The following SMARCA5 variants were observed in gnomAD, a reference collection of about 807,000 sequenced individuals.
The protein encoded by SMARCA5 is SNF2 related chromatin remodeling ATPase 5, also known as SWI/SNF-related matrix-associated actin-dependent regulator of chromatin subfamily A member 5.
Under a neutral mutation model 140.4 loss-of-function variants are expected in SMARCA5, and 18 were observed. That is an observed-to-expected ratio of 0.13 (90% CI 0.09 to 0.19). The LOEUF is 0.19. Among genes scored for constraint, SMARCA5 ranks in the 10% least tolerant of loss-of-function variants. The probability of loss-of-function intolerance (pLI) is 1.00; values close to 1 mark genes in which losing one functional copy is unlikely to be tolerated. For synonymous variants in SMARCA5, 449 were observed against 419.6 expected, an observed-to-expected ratio of 1.07 and a Z score of -0.86; for missense variants, 606 against 1,276.8, an observed-to-expected ratio of 0.47 and a Z score of 8.01.
chr4:143,524,615 G>A, intron 4 of SMARCA5, 148 bp downstream of exon 4: 1 of 591,336 alleles, frequency 1.7e-6, no homozygotes. Context: ...TTCAGATTTT[G>A]ATGGAGATGA....
At position 143,513,838 on chromosome 4, in the gene SMARCA5, G is replaced by A; in HGVS notation, c.-87G>A. ...AGTCTCGCTCCTCCACCAGTTTATT[G>A]CGACGTAGCATCCAGGCCTAGGCCT... On this transcript the variant is annotated 5_prime_UTR_variant, in exon 1 of 24. Transcript: ENST00000283131. 1.4e-6 allele frequency: 2 copies of A among 1,423,326 alleles called. No homozygotes were observed. Among genetic ancestry groups the A allele is most frequent in the East Asian group, 5.1e-5 (2 of 39,156 alleles). 88.2% of individuals were successfully genotyped at this position (1,423,326 alleles called of 1,614,324 possible). A position where few individuals can be genotyped will look rare whatever the true frequency, so the allele number is the denominator to read the frequency against.
chr4:143,515,978 A>G (rs1338852412), intron 1 of SMARCA5, among the ~76,000 whole-genome samples: 1 of 151,322 alleles, frequency 6.6e-6, no homozygotes, highest in Non-Finnish European at 1.5e-5. Flanking sequence ...TTGACATTAT[A>G]GTGTGATTTT....
chr4:143,547,903 A>G (rs756043586), intron 21 of SMARCA5, 25 bp from the exon 22 acceptor site: 63 of 1,312,186 alleles, frequency 4.8e-5, no homozygotes, highest in East Asian at 2.8e-4. Context: ...TGTATTTTAT[A>G]TAATATAAAA....
chr4:143,551,592 CAA>C lies in SMARCA5; in HGVS notation c.3093+1489_3093+1490del, dbSNP rs1483608836. ...TTTTTATATAGTTAGGGATACAGGT[CAA>C]GTTTCATTCTTCTGTGTATGGATAT... On this transcript the variant is annotated intron_variant, in intron 23 of 23. Coordinates refer to ENST00000283131, the MANE Select transcript of SMARCA5 (RefSeq NM_003601.4). 1.8e-3 allele frequency among the ~76,000 whole-genome samples: 280 copies of C among 152,124 alleles called. 10 individuals carry two copies. Among genetic ancestry groups the C allele is most frequent in the Admixed American group, 0.018 (278 of 15,270 alleles).
At position 143,524,429 on chromosome 4, in the gene SMARCA5, C is replaced by A; in HGVS notation, c.482C>A (p.Ala161Glu). ...DEELLTESSK[A>E]TNVCTRFEDS... ...GAGCTATTAACAGAAAGCTCCAAAGCAACCAATGTTTGCACTCGATTTGAA... is the reference window on the plus strand; with the variant it reads ...GAGCTATTAACAGAAAGCTCCAAAGAAACCAATGTTTGCACTCGATTTGAA... Residue 161 changes from alanine (A) to glutamate (E), a missense_variant, in exon 4 of 24, where the codon GCA becomes GAA. By Grantham distance (107) the Ala-to-Glu change is moderately radical. This residue lies in a region of SMARCA5 where 110 missense variants were observed against 287.7 expected (regional missense o/e 0.38). Transcript: ENST00000283131. 6.2e-7 allele frequency: 1 copy of A among 1,613,006 alleles called. No individual in the cohort carries two copies. The highest frequency in any genetic ancestry group is 1.1e-5 in the South Asian group (1 of 90,994).
intron 8 of SMARCA5, among the ~76,000 whole-genome samples, chr4:143,529,841 T>G (rs1330928276): frequency 6.6e-6 from 1 of 152,222 alleles, no homozygotes; most frequent in Non-Finnish European, 1.5e-5. Flanking sequence ...TTCGATTTTA[T>G]GTATTTTGAT....
intron 13 of SMARCA5, among the ~76,000 whole-genome samples, chr4:143,540,051 C>T (rs1489166439): frequency 6.6e-6 from 1 of 152,170 alleles, no homozygotes; most frequent in East Asian, 1.9e-4. Context: ...ACTTCTTTGC[C>T]TGATAGCAGT....
At chr4:143,536,176 C>T (rs1737298482) in intron 10 of SMARCA5, among the ~76,000 whole-genome samples, 1 of 152,098 alleles carries the variant, frequency 6.6e-6, no homozygotes. Context: ...TGTCTTACTG[C>T]TGTAATTCTA....
At chr4:143,545,901 A>G in intron 18 of SMARCA5, 24 bp from the exon 19 acceptor site, 1 of 1,589,046 alleles carries the variant, frequency 6.3e-7, no homozygotes, top group South Asian at 1.2e-5. Flanking sequence ...TACTGATTTG[A>G]TGGCATAGAA....
At chr4:143,544,162 T>C in intron 16 of SMARCA5, 190 bp downstream of exon 16, 1 of 367,676 alleles carries the variant, frequency 2.7e-6, no homozygotes, top group Non-Finnish European at 4.8e-6. Flanking sequence ...TGAAATATTT[T>C]TAAAGTTTTT....
intron 6 of SMARCA5, among the ~76,000 whole-genome samples, chr4:143,527,246 A>G (rs1443830100): frequency 6.6e-6 from 1 of 152,244 alleles, no homozygotes; most frequent in Non-Finnish European, 1.5e-5. Context: ...TTGGAAATTT[A>G]TTCAGACTCT....
intron 14 of SMARCA5, among the ~76,000 whole-genome samples, chr4:143,542,365 A>G (rs2149823587): frequency 6.6e-6 from 1 of 152,276 alleles, no homozygotes; most frequent in Non-Finnish European, 1.5e-5. Context: ...TTTGAGGGAC[A>G]TAATTAAAAA....
chr4:143,541,315 A>G (rs1027785618), intron 14 of SMARCA5, among the ~76,000 whole-genome samples: 1 of 152,200 alleles, frequency 6.6e-6, no homozygotes, highest in Non-Finnish European at 1.5e-5. Context: ...CTATCTGTCT[A>G]TAAAGCTGAA....
In SMARCA5 at chr4:143,545,978, G is replaced by A; in HGVS notation, c.2451G>A (p.Gln817=). 1 of 1,610,054 alleles carries A rather than the reference G, an allele frequency of 6.2e-7. No individual in the cohort carries two copies. The highest frequency in any genetic ancestry group is 1.1e-5 in the South Asian group (1 of 90,696). ...PNAAQAQKEE[Q]LKIDEAESLN... is the part of the protein sequence containing the mutation. ...CAGCACAGGCACAAAAAGAAGAACA[G>A]CTTAAAATTGATGAAGCTGAATCCC... Residue 817 remains glutamine (Q), a synonymous_variant, in exon 19 of 24, where the codon CAG becomes CAA. Transcript: ENST00000283131.
rs551273239 is a variant in SMARCA5 at position 143,530,997 on chromosome 4, G to A, written c.1158+471G>A. On this transcript the variant is annotated intron_variant, in intron 9 of 23. Coordinates refer to ENST00000283131, the MANE Select transcript of SMARCA5 (RefSeq NM_003601.4). Reference sequence around the variant, plus strand: ...TGCCCAGCTAATTTTTGTATTTTTTGTAGAGATAGTGTTTCACCATGTTGC... The same window carrying A: ...TGCCCAGCTAATTTTTGTATTTTTTATAGAGATAGTGTTTCACCATGTTGC... Among the ~76,000 whole-genome samples, 5 of 152,196 alleles carry A rather than the reference G, an allele frequency of 3.3e-5. No individual in the cohort carries two copies. The South Asian group carries it at 6.2e-4, about 19-fold the overall frequency.
At chr4:143,522,770 C>T (rs901205478) in intron 3 of SMARCA5, among the ~76,000 whole-genome samples, 3 of 151,908 alleles carry the variant, frequency 2.0e-5, no homozygotes, top group Non-Finnish European at 2.9e-5. Context: ...TATGATGTCT[C>T]GAAAAGAAAC....
At chr4:143,535,825 A>G (rs1737290434) in intron 10 of SMARCA5, among the ~76,000 whole-genome samples, 1 of 152,162 alleles carries the variant, frequency 6.6e-6, no homozygotes. Flanking sequence ...TTCTTTCATA[A>G]CAATGTCTAC....
rs781561614 is a variant in SMARCA5 at position 143,513,926 on chromosome 4, TGTC to T, written c.6_8del (p.Ser3?). ...AGCGGGTGACGCAGACGGAACATCA[TGTC>T]GTCCGCGGCCGAGCCTCCGCCACCC... is the stretch of plus-strand genomic sequence containing the variant. On this transcript the variant is annotated start_lost and inframe_deletion, in exon 1 of 24. Coordinates refer to ENST00000283131, the MANE Select transcript of SMARCA5 (RefSeq NM_003601.4). 4 of 1,542,954 alleles carry T rather than the reference TGTC, an allele frequency of 2.6e-6. No individual in the cohort carries two copies. Among genetic ancestry groups the T allele is most frequent in the East Asian group, 2.4e-5 (1 of 41,210 alleles).
intron 1 of SMARCA5, among the ~76,000 whole-genome samples, chr4:143,515,295 TAGGTTTAGTG>T (rs1377083047): frequency 6.6e-6 from 1 of 152,074 alleles, no homozygotes; most frequent in Non-Finnish European, 1.5e-5. Flanking sequence ...GTGGTGAGGG[TAGGTTTAGTG>T]ACATAGGAAC....
Sources: allele counts gnomAD v4.1 joint callset (sites outside exome capture counted in the v4.1 genomes callset), GRCh38; gene constraint gnomAD v4.1.1; regional missense constraint gnomAD v4.1.1; transcripts MANE v1.5; gene names NCBI Gene and HGNC (gene_info 2026-07-23, HGNC 2026-07-21).